MED27: variants seen among roughly 807,000 people sequenced by gnomAD.
MED27 encodes mediator complex subunit 27.
A neutral mutation model predicts 38.2 loss-of-function variants in MED27; 30 were observed. The ratio of observed to expected loss-of-function variants is 0.79; its 90% CI spans 0.59 to 1.07. The LOEUF is 1.07. Ranked by LOEUF, MED27 falls within the 50% of genes least tolerant of loss-of-function variation. The probability of loss-of-function intolerance (pLI) is 0.00; values close to 1 mark genes in which losing one functional copy is unlikely to be tolerated. For missense variants in MED27, 289 were observed against 397.5 expected (o/e 0.73, Z 2.32); for synonymous variants, 122 against 153.5 (o/e 0.79, Z 1.52).
chr9:131,959,303 A>C (rs1443502955), intron 3 of MED27, among the ~76,000 whole-genome samples: 1 of 150,572 alleles, frequency 6.6e-6, no homozygotes, highest in Non-Finnish European at 1.5e-5. Context: ...CATTTCCTGT[A>C]CAACACACAT....
chr9:132,008,227 G>C (rs150340155), intron 3 of MED27, among the ~76,000 whole-genome samples: 147 of 152,232 alleles, frequency 9.7e-4, no homozygotes, highest in Non-Finnish European at 1.7e-3. Context: ...ATAGAACACA[G>C]GTAAACACAG....
chr9:131,863,065 T>C lies in MED27; in HGVS notation c.799A>G (p.Met267Val), dbSNP rs1441860784. Reference sequence around the variant, plus strand: ...ACCTGACTCTTGAAGCCACTTACCATGAAGGATCGGACCACGACATCCGGC... The same window carrying C: ...ACCTGACTCTTGAAGCCACTTACCACGAAGGATCGGACCACGACATCCGGC... ...QMPDVVVRSF[M>V]TWLRSYIKLF... The change falls in exon 7 of 8, where the codon ATG becomes GTG. Residue 267 changes from methionine (M) to valine (V), a missense_variant and splice_region_variant. By Grantham distance (21) the Met-to-Val change is conservative (BLOSUM62 1). Coordinates refer to ENST00000292035, the MANE Select transcript of MED27 (RefSeq NM_004269.4). 1.9e-6 allele frequency: 3 copies of C among 1,614,038 alleles called. No homozygotes were observed. The highest frequency in any genetic ancestry group is 2.5e-6 in the Non-Finnish European group (3 of 1,179,934).
intron 3 of MED27, among the ~76,000 whole-genome samples, chr9:131,977,629 A>G (rs2131022759): frequency 6.6e-6 from 1 of 152,322 alleles, no homozygotes; most frequent in Non-Finnish European, 1.5e-5. Context: ...AATGCAGTGC[A>G]AACAGCAGCA....
intron 2 of MED27, among the ~76,000 whole-genome samples, chr9:132,052,635 G>A (rs1052097865): frequency 2.0e-5 from 3 of 151,936 alleles, no homozygotes; most frequent in Admixed American, 6.6e-5. Context: ...CATCGTCGCT[G>A]TTAGGCAATT....
intron 2 of MED27, among the ~76,000 whole-genome samples, chr9:132,056,296 G>A (rs73658170): frequency 0.02 from 3,046 of 152,252 alleles, 94 homozygotes; most frequent in African/African-American, 0.069. Context: ...AATCTTAGCG[G>A]AGTTCTAGCT....
intron 4 of MED27, among the ~76,000 whole-genome samples, chr9:131,900,328 C>T (rs957078707): frequency 1.3e-5 from 2 of 152,286 alleles, no homozygotes; most frequent in African/African-American, 2.4e-5. Flanking sequence ...CTGTATTCCA[C>T]GAAGAGAATT....
At chr9:131,998,706 A>G (rs1014122406) in intron 3 of MED27, among the ~76,000 whole-genome samples, 2 of 152,160 alleles carry the variant, frequency 1.3e-5, no homozygotes, top group Non-Finnish European at 2.9e-5. Context: ...AATAAGGAAA[A>G]AGAATGGTGG....
chr9:132,037,107 C>T (rs928079902), intron 2 of MED27, among the ~76,000 whole-genome samples: 5 of 152,140 alleles, frequency 3.3e-5, no homozygotes, highest in Admixed American at 1.3e-4. Flanking sequence ...CACAGGTGAA[C>T]GCTCAGCAAA....
At chr9:131,906,166 G>T (rs1045534203) in intron 4 of MED27, among the ~76,000 whole-genome samples, 16 of 152,148 alleles carry the variant, frequency 1.1e-4, no homozygotes, top group Non-Finnish European at 1.9e-4. Flanking sequence ...TACCCACCAC[G>T]TGCCAAGCAT....
At chr9:131,885,846 C>T (rs1839130288) in intron 5 of MED27, among the ~76,000 whole-genome samples, 1 of 152,118 alleles carries the variant, frequency 6.6e-6, no homozygotes, top group Non-Finnish European at 1.5e-5. Context: ...TCACTGTGTC[C>T]CATAGGTGCT....
intron 3 of MED27, among the ~76,000 whole-genome samples, chr9:131,965,551 A>G (rs1398934678): frequency 6.6e-6 from 1 of 152,220 alleles, no homozygotes; most frequent in Non-Finnish European, 1.5e-5. Flanking sequence ...GATCAGCTCA[A>G]TAACCACAAG....
At chr9:132,031,050 C>T (rs1832948777) in intron 2 of MED27, among the ~76,000 whole-genome samples, 1 of 152,230 alleles carries the variant, frequency 6.6e-6, no homozygotes, top group South Asian at 2.1e-4. Context: ...GCAGAATTTC[C>T]AAAGACTGAG....
At chr9:132,034,650 G>A (rs1235315219) in intron 2 of MED27, among the ~76,000 whole-genome samples, 2 of 152,124 alleles carry the variant, frequency 1.3e-5, no homozygotes, top group Non-Finnish European at 2.9e-5. Context: ...ACGCCCTCCT[G>A]TCTCCTCAGC....
At chr9:132,020,488 A>G (rs1426477720) in intron 2 of MED27, among the ~76,000 whole-genome samples, 2 of 152,198 alleles carry the variant, frequency 1.3e-5, no homozygotes, top group Non-Finnish European at 2.9e-5. Context: ...CTAATCTGAG[A>G]GTCTCACATA....
At chr9:131,863,214 C>T (rs947969512) in intron 6 of MED27, 74 bp from the exon 7 acceptor site, 45 of 1,209,686 alleles carry the variant, frequency 3.7e-5, no homozygotes, top group Non-Finnish European at 4.7e-5. Context: ...GACAAATGCA[C>T]GCCTTCTGTG....
chr9:131,894,013 T>C (rs539224848), intron 4 of MED27, 21 bp from the exon 5 acceptor site: 283 of 1,596,780 alleles, frequency 1.8e-4, no homozygotes, highest in Non-Finnish European at 2.3e-4. Context: ...ACATGTAAGC[T>C]GACACTTGAA....
intron 3 of MED27, among the ~76,000 whole-genome samples, chr9:131,963,916 C>G (rs1334654425): frequency 6.6e-6 from 1 of 152,146 alleles, no homozygotes; most frequent in Non-Finnish European, 1.5e-5. Context: ...TTCGGTTAGG[C>G]CTCCTCTCCA....
intron 4 of MED27, among the ~76,000 whole-genome samples, chr9:131,897,186 G>A (rs1167539155): frequency 1.3e-5 from 2 of 152,178 alleles, no homozygotes; most frequent in South Asian, 2.1e-4. Context: ...GTGGACATTC[G>A]GGTTACTTCC....
At chr9:131,931,475 G>GT (rs1257664973) in intron 4 of MED27, among the ~76,000 whole-genome samples, 1 of 152,014 alleles carries the variant, frequency 6.6e-6, no homozygotes, top group African/African-American at 2.4e-5. Context: ...AATGGAAGAA[G>GT]TAAGTCCTTA....
Sources: gnomAD v4.1 joint callset for allele counts (sites outside exome capture counted in the v4.1 genomes callset) on GRCh38, gnomAD v4.1.1 for gene constraint, MANE v1.5 for transcripts, NCBI Gene and HGNC (gene_info 2026-07-23, HGNC 2026-07-21) for gene names.